ABCA12: variants seen among roughly 807,000 people sequenced by gnomAD.
ABCA12 encodes the protein ATP binding cassette subfamily A member 12.
ABCA12 carries 156 observed loss-of-function variants against 293.5 expected under a neutral mutation model. The observed-to-expected ratio is 0.53, with a 90% CI of 0.47 to 0.61. ABCA12 has a LOEUF of 0.61. Ranked by LOEUF, ABCA12 falls within the 20% of genes least tolerant of loss-of-function variation. The pLI, the probability that ABCA12 is intolerant of heterozygous loss-of-function variation, is 0.00. For synonymous variants in ABCA12, 1,063 were observed against 1,108.0 expected (o/e 0.96, Z 0.81); for missense variants, 2,797 against 3,090.2 (o/e 0.91, Z 2.25).
Position 215,102,028 on chromosome 2 carries a change from C to CGTGT in ABCA12, c.163+9565_163+9568dup, listed in dbSNP as rs71399171. Among the ~76,000 whole-genome samples, 284 of 150,074 alleles carry CGTGT rather than the reference C, an allele frequency of 1.9e-3. 1 individual carries two copies. Among genetic ancestry groups the CGTGT allele is most frequent in the African/African-American group, 6.2e-3 (256 of 40,976 alleles). ...TGGTCCTATTTTATTTGTTTGTACACGTGTGTGTGTGTGTGTGTGCCTATG... is the reference window on the plus strand; with the variant it reads ...TGGTCCTATTTTATTTGTTTGTACACGTGTGTGTGTGTGTGTGTGTGTGCCTATG... On this transcript the variant is annotated intron_variant, in intron 2 of 52. Transcript: ENST00000272895.
intron 1 of ABCA12, among the ~76,000 whole-genome samples, chr2:215,129,182 C>T (rs2105915552): frequency 6.6e-6 from 1 of 152,314 alleles, no homozygotes; most frequent in East Asian, 1.9e-4. Flanking sequence ...ATACCAGTGC[C>T]TTCAGCTTCT....
intron 1 of ABCA12, among the ~76,000 whole-genome samples, chr2:215,130,776 T>C (rs1703036279): frequency 6.6e-6 from 1 of 152,174 alleles, no homozygotes; most frequent in Non-Finnish European, 1.5e-5. Context: ...TTCAGTGCTA[T>C]GTTCAATAGG....
In ABCA12 at chr2:214,975,979, GATCTTCTT is replaced by G; in HGVS notation, c.5179_5186del (p.Lys1727HisfsTer66). On this transcript the variant is annotated frameshift_variant, in exon 34 of 53. Coordinates refer to ENST00000272895, the MANE Select transcript of ABCA12 (RefSeq NM_173076.3). LOFTEE classifies it high-confidence loss of function. ...GGAACCTCTTGATGAGTATAGCCAT[GATCTTCTT>G]CAGCAACAGTCCAAAGCCATCCAGC... 1 of 1,614,074 alleles carries G rather than the reference GATCTTCTT, an allele frequency of 6.2e-7. No individual in the cohort carries two copies. Among genetic ancestry groups the G allele is most frequent in the Non-Finnish European group, 8.5e-7 (1 of 1,179,992 alleles).
At chr2:214,968,981 T>C (rs1011793831) in intron 37 of ABCA12, among the ~76,000 whole-genome samples, 174 bp from the exon 38 acceptor site, 2 of 152,126 alleles carry the variant, frequency 1.3e-5, no homozygotes, top group African/African-American at 4.8e-5. Context: ...TTTTATCATA[T>C]TTCAGTCTCA....
At chr2:215,010,250 C>A in intron 18 of ABCA12, 81 bp downstream of exon 18, 1 of 1,513,784 alleles carries the variant, frequency 6.6e-7, no homozygotes, top group South Asian at 1.1e-5. Context: ...AGAAATCAGT[C>A]AGCTAAAGTA....
chr2:215,129,372 G>C (rs1703001266), intron 1 of ABCA12, among the ~76,000 whole-genome samples: 1 of 152,172 alleles, frequency 6.6e-6, no homozygotes, highest in South Asian at 2.1e-4. Context: ...CATCCAGTGT[G>C]AGCAGGAGTT....
At chr2:215,031,160 C>G (rs760182156) in intron 9 of ABCA12, among the ~76,000 whole-genome samples, 1 of 152,148 alleles carries the variant, frequency 6.6e-6, no homozygotes, top group African/African-American at 2.4e-5. Flanking sequence ...ATTTCCACTG[C>G]CTATTCCCGG....
chr2:215,121,945 G>A (rs754475801), intron 1 of ABCA12, among the ~76,000 whole-genome samples: 1 of 152,124 alleles, frequency 6.6e-6, no homozygotes, highest in Non-Finnish European at 1.5e-5. Flanking sequence ...AAATTACCCA[G>A]TTTCAGGTAT....
intron 19 of ABCA12, among the ~76,000 whole-genome samples, chr2:215,005,436 T>C (rs1173684476): frequency 2.0e-5 from 3 of 152,208 alleles, no homozygotes; most frequent in Non-Finnish European, 4.4e-5. Flanking sequence ...AAGAAAAACA[T>C]ATTAGTCGAG....
intron 1 of ABCA12, among the ~76,000 whole-genome samples, chr2:215,129,385 C>T (rs1428170519): frequency 2.0e-5 from 3 of 152,132 alleles, no homozygotes; most frequent in Non-Finnish European, 4.4e-5. Flanking sequence ...CAGGAGTTGC[C>T]GCGGGCTCCA....
intron 3 of ABCA12, among the ~76,000 whole-genome samples, chr2:215,059,098 A>G (rs1376241104): frequency 7.9e-5 from 12 of 151,976 alleles, no homozygotes. Flanking sequence ...AAATTCTGAC[A>G]TTATTTTTTG....
intron 36 of ABCA12, among the ~76,000 whole-genome samples, chr2:214,970,856 A>G (rs912237171): frequency 2.0e-5 from 3 of 152,094 alleles, no homozygotes; most frequent in African/African-American, 7.2e-5. Flanking sequence ...TTAGTATGCA[A>G]CCTAAGACTC....
intron 1 of ABCA12, among the ~76,000 whole-genome samples, chr2:215,116,646 A>G (rs1395881858): frequency 6.6e-6 from 1 of 152,208 alleles, no homozygotes; most frequent in Admixed American, 6.5e-5. Flanking sequence ...ATAGGTAAAC[A>G]TAAATAAATT....
chr2:215,096,445 T>G (rs954075310), intron 2 of ABCA12, among the ~76,000 whole-genome samples: 1 of 152,176 alleles, frequency 6.6e-6, no homozygotes, highest in African/African-American at 2.4e-5. Flanking sequence ...AATTAATCTC[T>G]CAGGTTTGGT....
At chr2:215,087,775 A>T (rs564055281) in intron 2 of ABCA12, among the ~76,000 whole-genome samples, 121 of 152,306 alleles carry the variant, frequency 7.9e-4, no homozygotes, top group African/African-American at 2.8e-3. Context: ...CAGGGAAGGG[A>T]GAGAATAATA....
rs771593783 is a variant in ABCA12, at chr2:214,945,068, G to A, written c.7276C>T (p.Arg2426Trp). 6 of 1,613,534 alleles carry A rather than the reference G, an allele frequency of 3.7e-6. No homozygotes were observed. Among genetic ancestry groups the A allele is most frequent in the Non-Finnish European group, 5.1e-6 (6 of 1,179,874 alleles). Residue 2426 changes from arginine to tryptophan, a missense_variant, in exon 49 of 53, where the codon CGG (arginine) becomes TGG (tryptophan). Arg to Trp is a moderately radical substitution (Grantham distance 101, BLOSUM62 -3). Transcript: ENST00000272895. The stretch of plus-strand genomic sequence containing the variant: ...TCTGAAATGATCTTCCAGAGGTGCC[G>A]TTTCGACTTCGGATCCATGCCAGAG... The part of the protein sequence containing the change: ...PSSGMDPKSK[R>W]HLWKIISEEV...
At position 215,001,682 on chromosome 2, in the gene ABCA12, T is replaced by C; in HGVS notation, c.2739A>G (p.Thr913=). 2 of 1,613,706 alleles carry C rather than the reference T, an allele frequency of 1.2e-6. No homozygotes were observed. Among genetic ancestry groups the C allele is most frequent in the South Asian group, 2.2e-5 (2 of 91,084 alleles). The change falls in exon 21 of 53, where the codon ACA becomes ACG. Residue 913 remains threonine (T), a synonymous_variant. Coordinates refer to ENST00000272895, the MANE Select transcript of ABCA12 (RefSeq NM_173076.3). ...AAATATTTACTGTCAGGGAAGATAGTGTGTTAAGCTGATCGATGATGTCAA... is the reference window on the plus strand; with the variant it reads ...AAATATTTACTGTCAGGGAAGATAGCGTGTTAAGCTGATCGATGATGTCAA... The part of the protein sequence containing the change: ...NNIDIIDQLN[T]LSSLTVNISS...
At chr2:215,020,269 G>A (rs1292040719) in intron 11 of ABCA12, among the ~76,000 whole-genome samples, 1 of 140,604 alleles carries the variant, frequency 7.1e-6, no homozygotes, top group Non-Finnish European at 1.5e-5. Context: ...TATAACCCTT[G>A]TGCACTGTTG....
At chr2:215,056,021 C>T (rs1032969873) in intron 3 of ABCA12, among the ~76,000 whole-genome samples, 2 of 152,016 alleles carry the variant, frequency 1.3e-5, no homozygotes, top group African/African-American at 4.8e-5. Flanking sequence ...ATGAGGACTA[C>T]TGAATATCAA....
Sources: gnomAD v4.1 joint callset for allele counts (sites outside exome capture counted in the v4.1 genomes callset) on GRCh38, gnomAD v4.1.1 for gene constraint, MANE v1.5 for transcripts, NCBI Gene and HGNC (gene_info 2026-07-23, HGNC 2026-07-21) for gene names.